The following CLEC16A variants were observed in gnomAD, a reference collection of about 807,000 sequenced individuals.
CLEC16A encodes protein CLEC16A.
CLEC16A carries 51 observed loss-of-function variants against 109.5 expected under a neutral mutation model. The ratio of observed to expected loss-of-function variants is 0.47; its 90% CI spans 0.37 to 0.59. The LOEUF (loss-of-function observed/expected upper bound fraction) is 0.59, where lower values mean the gene tolerates loss of function less well. Ranked by LOEUF, CLEC16A falls within the 20% of genes least tolerant of loss-of-function variation. CLEC16A has a pLI of 0.00. For missense variants in CLEC16A, 1,339 were observed against 1,394.0 expected, an observed-to-expected ratio of 0.96 and a Z score of 0.63; for synonymous variants, 673 against 564.2, an observed-to-expected ratio of 1.19 and a Z score of -2.73.
At chr16:11,029,970 C>G (rs1327704300) in intron 13 of CLEC16A, among the ~76,000 whole-genome samples, 1 of 152,198 alleles carries the variant, frequency 6.6e-6, no homozygotes, top group Non-Finnish European at 1.5e-5. Context: ...TTTGTATAAA[C>G]AGAGTCATGC....
At chr16:11,088,026 C>T (rs975888956) in intron 19 of CLEC16A, among the ~76,000 whole-genome samples, 8 of 152,258 alleles carry the variant, frequency 5.3e-5, no homozygotes, top group African/African-American at 1.9e-4. Context: ...TTGCTACCTT[C>T]AGATCCTCTT....
intron 12 of CLEC16A, chr16:11,024,475 T>C: frequency 4.4e-6 from 1 of 227,024 alleles, no homozygotes; most frequent in Non-Finnish European, 9.0e-6. Flanking sequence ...CACACATCAC[T>C]TTGCATTGAT....
chr16:11,049,272 G>C (rs1985872), intron 17 of CLEC16A, among the ~76,000 whole-genome samples: 75,081 of 151,836 alleles, frequency 0.49, 19,729 homozygotes, highest in African/African-American at 0.69. Flanking sequence ...TCCCAAAGTG[G>C]TGGAATTACA....
chr16:11,003,950 A>T (rs146421101), intron 11 of CLEC16A, among the ~76,000 whole-genome samples: 3,379 of 146,476 alleles, frequency 0.023, 54 homozygotes, highest in Non-Finnish European at 0.035. Context: ...CCTCACCAAC[A>T]TGACGAGATC....
chr16:11,036,522 G>GTTCTTT (rs2047028527), intron 13 of CLEC16A, among the ~76,000 whole-genome samples: 2 of 148,216 alleles, frequency 1.3e-5, no homozygotes, highest in African/African-American at 4.9e-5. Flanking sequence ...TTTTATCCTT[G>GTTCTTT]TGTTCTTTTG....
At chr16:11,090,399 G>C (rs1324373235) in intron 19 of CLEC16A, among the ~76,000 whole-genome samples, 1 of 152,126 alleles carries the variant, frequency 6.6e-6, no homozygotes, top group African/African-American at 2.4e-5. Context: ...AGGGGCCATT[G>C]TCAGGAAAGG....
At chr16:11,051,374 A>G in intron 17 of CLEC16A, 139 bp from the exon 18 acceptor site, 5 of 909,268 alleles carry the variant, frequency 5.5e-6, no homozygotes, top group East Asian at 2.4e-5. Flanking sequence ...CTTTACTTCA[A>G]TCTAAATCCA....
In CLEC16A at chr16:10,988,272, T is replaced by C. The variant is rs536534658; in HGVS notation, c.1071+5281T>C. On this transcript the variant is annotated intron_variant, in intron 10 of 23. Transcript: ENST00000409790. ...TCTGTGGAATGGTTTCCTTCATTTT[T>C]GCATTCATTCATTTATTCATCTATT... is the stretch of plus-strand genomic sequence containing the variant. 5.3e-5 allele frequency among the ~76,000 whole-genome samples: 8 copies of C among 152,372 alleles called. No individual in the cohort carries two copies. The East Asian group carries it at 1.5e-3, about 29-fold the overall frequency.
In CLEC16A at chr16:11,123,965, G is replaced by A; in HGVS notation, c.2473+19G>A. 1 of 1,577,268 alleles carries A rather than the reference G, an allele frequency of 6.3e-7. No individual in the cohort carries two copies. The highest frequency in any genetic ancestry group is 8.6e-7 in the Non-Finnish European group (1 of 1,161,804). The stretch of plus-strand genomic sequence containing the variant: ...ATAGCTGGTGAGTGGCTGGACCCTG[G>A]CAGGGCATCCTCTGAGCACTTGGTG... On this transcript the variant is annotated intron_variant, in intron 21 of 23. Coordinates refer to ENST00000409790, the MANE Select transcript of CLEC16A (RefSeq NM_015226.3).
At chr16:11,132,113 A>T (rs2053246169) in intron 22 of CLEC16A, among the ~76,000 whole-genome samples, 1 of 152,192 alleles carries the variant, frequency 6.6e-6, no homozygotes, top group Non-Finnish European at 1.5e-5. Context: ...CTTGAAAGTG[A>T]ACAATTCAGT....
chr16:11,003,864 G>T (rs1419847976), intron 11 of CLEC16A, among the ~76,000 whole-genome samples: 2 of 151,672 alleles, frequency 1.3e-5, no homozygotes, highest in Non-Finnish European at 2.9e-5. Context: ...GCCGAGTGCA[G>T]TGGCTCACAC....
chr16:11,027,504 A>T, intron 13 of CLEC16A: 1 of 1,585,024 alleles, frequency 6.3e-7, no homozygotes, highest in South Asian at 1.1e-5. Flanking sequence ...AGCCAAGGTC[A>T]AGAGTAAGAC....
At chr16:11,085,527 A>G (rs1389776699) in intron 19 of CLEC16A, among the ~76,000 whole-genome samples, 2 of 152,258 alleles carry the variant, frequency 1.3e-5, no homozygotes, top group East Asian at 3.8e-4. Context: ...AGGCCCAACA[A>G]CATAACATAG....
At chr16:11,162,508 C>G (rs1169538730) in intron 22 of CLEC16A, among the ~76,000 whole-genome samples, 1 of 152,194 alleles carries the variant, frequency 6.6e-6, no homozygotes, top group Non-Finnish European at 1.5e-5. Flanking sequence ...AATAACAAAA[C>G]TCACTGCAGT....
chr16:11,055,500 G>C (rs1405223331), intron 18 of CLEC16A, among the ~76,000 whole-genome samples: 1 of 150,214 alleles, frequency 6.7e-6, no homozygotes, highest in East Asian at 2.0e-4. Context: ...CAGGAGCGCA[G>C]CTACAGGAGA....
intron 1 of CLEC16A, among the ~76,000 whole-genome samples, chr16:10,951,777 G>A (rs1427105275): frequency 6.6e-6 from 1 of 152,232 alleles, no homozygotes; most frequent in South Asian, 2.1e-4. Flanking sequence ...AAGTAGCAAG[G>A]TAATTATTCT....
intron 10 of CLEC16A, among the ~76,000 whole-genome samples, chr16:10,984,414 A>G (rs1459933314): frequency 2.0e-5 from 3 of 152,096 alleles, no homozygotes; most frequent in Non-Finnish European, 4.4e-5. Context: ...GTGTTGATGG[A>G]GCTCTTTCTT....
At chr16:11,002,100 C>T (rs1219408824) in intron 10 of CLEC16A, among the ~76,000 whole-genome samples, 2 of 152,140 alleles carry the variant, frequency 1.3e-5, no homozygotes, top group Non-Finnish European at 2.9e-5. Context: ...GGTTTTGAAT[C>T]CCGGCTCTGC....
chr16:11,045,557 G>A (rs1467879319), intron 16 of CLEC16A, among the ~76,000 whole-genome samples: 2 of 152,078 alleles, frequency 1.3e-5, no homozygotes, highest in Non-Finnish European at 2.9e-5. Flanking sequence ...GTGGGGGGTG[G>A]TGGGGAGCAG....
Sources: gnomAD v4.1 joint callset for allele counts (sites outside exome capture counted in the v4.1 genomes callset) on GRCh38, gnomAD v4.1.1 for gene constraint, MANE v1.5 for transcripts, NCBI Gene and HGNC (gene_info 2026-07-23, HGNC 2026-07-21) for gene names.